Variants in NEK6 observed in about 807,000 individuals in gnomAD.
NEK6 encodes serine/threonine-protein kinase Nek6.
NEK6 carries 27 observed loss-of-function variants against 43.5 expected under a neutral mutation model. The ratio of observed to expected loss-of-function variants is 0.62; its 90% confidence interval spans 0.46 to 0.86. The LOEUF is 0.86. NEK6 is among the 40% of genes least tolerant of loss of function. NEK6 has a pLI of 0.00. For missense variants in NEK6, 318 were observed against 414.4 expected, an observed-to-expected ratio of 0.77 and a Z score of 2.02; for synonymous variants, 167 against 164.1, an observed-to-expected ratio of 1.02 and a Z score of -0.14.
chr9:124,308,570 C>T (rs1252217883), intron 2 of NEK6, among the ~76,000 whole-genome samples: 3 of 151,494 alleles, frequency 2.0e-5, no homozygotes, highest in African/African-American at 7.3e-5. Flanking sequence ...GCAGGAGAAT[C>T]GCTTGAACCC....
At chr9:124,346,498 G>T (rs1167934409) in intron 8 of NEK6, among the ~76,000 whole-genome samples, 1 of 152,230 alleles carries the variant, frequency 6.6e-6, no homozygotes, top group South Asian at 2.1e-4. Context: ...AGCCAGAGCA[G>T]GGTGGCCCCT....
intron 3 of NEK6, among the ~76,000 whole-genome samples, chr9:124,313,174 C>G (rs1329744028): frequency 6.6e-6 from 1 of 152,188 alleles, no homozygotes; most frequent in Non-Finnish European, 1.5e-5. Flanking sequence ...GAGGAAATGG[C>G]TTTAAATCCT....
chr9:124,281,487 CTTTTTTTTTTTTTTT>C (rs759381068), intron 1 of NEK6, among the ~76,000 whole-genome samples: 7 of 102,968 alleles, frequency 6.8e-5, no homozygotes, highest in South Asian at 3.5e-4. Flanking sequence ...GCTGTTTTTT[CTTTTTTTTTTTTTTT>C]TTTTTTTTTT....
At chr9:124,265,865 G>A (rs1456646653) in intron 1 of NEK6, 1 of 152,294 alleles carries the variant, frequency 6.6e-6, no homozygotes, top group Non-Finnish European at 1.5e-5. Flanking sequence ...TGGAAGTCCT[G>A]GGTCAGGCAT....
At chr9:124,269,886 G>A (rs1831368058) in intron 1 of NEK6, among the ~76,000 whole-genome samples, 1 of 152,108 alleles carries the variant, frequency 6.6e-6, no homozygotes, top group African/African-American at 2.4e-5. Flanking sequence ...CTTTGCCTCA[G>A]CCTCTCTCTC....
Position 124,351,590 on chromosome 9 carries a change from G to C in NEK6, c.*643G>C, listed in dbSNP as rs1051842268. 1 of 152,218 alleles carries C rather than the reference G, an allele frequency of 6.6e-6. No individual in the cohort carries two copies. The highest frequency in any genetic ancestry group is 2.1e-4 in the South Asian group (1 of 4,838). The allele number at this position is 152,218 out of a possible 1,614,324, so 9.4% of individuals were successfully genotyped here. ...GAGCATCTTCTTGGCAGCCAGGCTG[G>C]GCCATCTTCTCCTGGACACCTGCTG... On this transcript the variant is annotated 3_prime_UTR_variant, in exon 10 of 10. Coordinates refer to ENST00000320246, the MANE Select transcript of NEK6 (RefSeq NM_014397.6).
chr9:124,302,892 C>T (rs1207258020), intron 2 of NEK6, among the ~76,000 whole-genome samples: 5 of 152,218 alleles, frequency 3.3e-5, no homozygotes, highest in African/African-American at 9.6e-5. Context: ...AATCCCACAC[C>T]GGGCACAGAG....
intron 1 of NEK6, among the ~76,000 whole-genome samples, chr9:124,277,423 G>A (rs763132134): frequency 5.3e-5 from 8 of 152,214 alleles, no homozygotes; most frequent in Non-Finnish European, 1.2e-4. Context: ...TCCAACCTGG[G>A]CAAGAGAGTG....
rs1373792909 is a variant in NEK6, at chr9:124,352,778, C to T, written c.*1831C>T. On this transcript the variant is annotated 3_prime_UTR_variant, in exon 10 of 10. Coordinates refer to ENST00000320246, the MANE Select transcript of NEK6 (RefSeq NM_014397.6). ...ACTGAAGATTTTTCTGATTCCAGAC[C>T]AACTTTTTGCCAACATTCTGCTTCC... 1.3e-5 allele frequency: 2 copies of T among 152,234 alleles called. No homozygotes were observed. Among genetic ancestry groups the T allele is most frequent in the African/African-American group, 4.8e-5 (2 of 41,360 alleles). 9.4% of individuals were successfully genotyped at this position (152,234 alleles called of 1,614,324 possible).
At chr9:124,328,717 C>T (rs1222527348) in intron 7 of NEK6, among the ~76,000 whole-genome samples, 2 of 152,202 alleles carry the variant, frequency 1.3e-5, no homozygotes, top group Admixed American at 6.5e-5. Flanking sequence ...CATACAGGTT[C>T]CAGAGAGACT....
intron 1 of NEK6, among the ~76,000 whole-genome samples, chr9:124,279,300 C>CTTTTT (rs1165676719): frequency 1.4e-5 from 2 of 138,180 alleles, no homozygotes; most frequent in African/African-American, 2.7e-5. Context: ...TTTCTCTTCC[C>CTTTTT]TTTTTTTTTT....
rs2130871047 is a variant in NEK6, at chr9:124,314,065, A to ATGG, written c.294+80_294+81insTGG. 10 of 1,297,814 alleles carry ATGG rather than the reference A, an allele frequency of 7.7e-6. No individual in the cohort carries two copies. The South Asian group carries it at 1.1e-4, about 14-fold the overall frequency. The allele number at this position is 1,297,814 out of a possible 1,614,324, so 80.4% of individuals were successfully genotyped here. On this transcript the variant is annotated intron_variant, in intron 4 of 9. Coordinates refer to ENST00000320246, the MANE Select transcript of NEK6 (RefSeq NM_014397.6). The stretch of plus-strand genomic sequence containing the variant: ...GCGGCTGGGCCACATCATGTCCATC[A>ATGG]CAGCCCTTGGGTGCCAGGAATCCGC...
In NEK6 at chr9:124,353,181, T is replaced by C. The variant is rs1376522052; in HGVS notation, c.*2234T>C. On this transcript the variant is annotated 3_prime_UTR_variant, in exon 10 of 10. Coordinates refer to ENST00000320246, the MANE Select transcript of NEK6 (RefSeq NM_014397.6). The stretch of plus-strand genomic sequence containing the variant: ...TTGGCTGCTGAGGTGGAGGGTGTGC[T>C]GCACTTATCACCCCATTTCAAAACC... The C allele has an allele frequency of 1.0e-5, 2 of 192,664 alleles. No homozygotes were observed. Among genetic ancestry groups the C allele is most frequent in the African/African-American group, 4.8e-5 (2 of 42,090 alleles). The allele number at this position is 192,664 out of a possible 1,614,324, so 11.9% of individuals were successfully genotyped here.
chr9:124,261,902 G>A (rs371222483), intron 1 of NEK6, among the ~76,000 whole-genome samples: 9 of 151,968 alleles, frequency 5.9e-5, no homozygotes, highest in African/African-American at 1.9e-4. Context: ...TTTTTCTCCC[G>A]TCTGGCCTGT....
chr9:124,257,735 T>G, upstream of NEK6: 2 of 1,527,136 alleles, frequency 1.3e-6, no homozygotes, highest in Non-Finnish European at 1.8e-6. Context: ...AGTCTGGGCC[T>G]CAGTCTTCCC....
intron 7 of NEK6, among the ~76,000 whole-genome samples, chr9:124,332,206 T>C (rs1829034795): frequency 6.6e-6 from 1 of 152,282 alleles, no homozygotes; most frequent in African/African-American, 2.4e-5. Context: ...GGATCTGTGC[T>C]GGGCCTGGGC....
intron 7 of NEK6, among the ~76,000 whole-genome samples, chr9:124,332,743 G>A (rs1388038432): frequency 1.3e-5 from 2 of 151,850 alleles, no homozygotes; most frequent in East Asian, 1.9e-4. Flanking sequence ...TGACAGGACC[G>A]GCGCATCTTG....
rs1399481404 is a variant in NEK6, at chr9:124,351,765, CTT to C, written c.*820_*821del. 6.6e-6 allele frequency: 1 copy of C among 152,232 alleles called. No homozygotes were observed. Among genetic ancestry groups the C allele is most frequent in the Non-Finnish European group, 1.5e-5 (1 of 68,050 alleles). The allele number at this position is 152,232 out of a possible 1,614,324, so 9.4% of individuals were successfully genotyped here. A position where few individuals can be genotyped will look rare whatever the true frequency, so the allele number is the denominator to read the frequency against. The stretch of plus-strand genomic sequence containing the variant: ...CTGGTTCTGCAACTTCCTAGCGTGA[CTT>C]TGGGCTTGGGCAAGTTTCTTAGCCG... On this transcript the variant is annotated 3_prime_UTR_variant, in exon 10 of 10. Transcript: ENST00000320246.
chr9:124,281,600 A>C (rs1205119267), intron 1 of NEK6, among the ~76,000 whole-genome samples: 7 of 141,366 alleles, frequency 5.0e-5, no homozygotes, highest in Admixed American at 2.3e-4. Flanking sequence ...TCCAGGGTTG[A>C]AGTGATTCTC....
Sources: gnomAD v4.1 joint callset for allele counts (sites outside exome capture counted in the v4.1 genomes callset) on GRCh38, gnomAD v4.1.1 for gene constraint, MANE v1.5 for transcripts, NCBI Gene and HGNC (gene_info 2026-07-23, HGNC 2026-07-21) for gene names.